The following FYB1 variants were observed in gnomAD, a reference collection of about 807,000 sequenced individuals.
The protein encoded by FYB1 is FYN-binding protein 1.
Under a neutral mutation model 94.1 loss-of-function variants are expected in FYB1, and 41 were observed. That is an observed-to-expected ratio of 0.44 (90% CI 0.34 to 0.57). The LOEUF is 0.57. Ranked by LOEUF, FYB1 falls within the 20% of genes least tolerant of loss-of-function variation. The pLI is 0.02. For missense variants in FYB1, 1,050 were observed against 976.8 expected (o/e 1.07, Z -1.00); for synonymous variants, 367 against 353.2 (o/e 1.04, Z -0.44).
Position 39,107,314 on chromosome 5 carries a change from G to T in FYB1, c.*129C>A. ...CTTTAAACACTTTGTAAAGATAATT[G>T]GGATTTCATAACAAATGATAATAAG... On this transcript the variant is annotated 3_prime_UTR_variant, in exon 19 of 19. Coordinates refer to ENST00000512982, the MANE Select transcript of FYB1 (RefSeq NM_001465.6). 2 of 540,882 alleles carry T rather than the reference G, an allele frequency of 3.7e-6. No homozygotes were observed. Among genetic ancestry groups the T allele is most frequent in the Non-Finnish European group, 6.4e-6 (2 of 314,358 alleles). 33.5% of individuals were successfully genotyped at this position (540,882 alleles called of 1,614,324 possible).
chr5:39,106,455 A>C lies in FYB1; in HGVS notation c.*988T>G, dbSNP rs1760381185. ...TTTGGGAATGAGTATGTACTGTTAG[A>C]GAAGGGCCCAATCCAAACACTAGAA... On this transcript the variant is annotated 3_prime_UTR_variant, in exon 19 of 19. Transcript: ENST00000512982. 6.6e-6 allele frequency: 1 copy of C among 152,104 alleles called. No homozygotes were observed. The highest frequency in any genetic ancestry group is 6.6e-5 in the Admixed American group (1 of 15,254). The allele number at this position is 152,104 out of a possible 1,614,324, so 9.4% of individuals were successfully genotyped here.
At chr5:39,108,982 G>C (rs975674756) in intron 17 of FYB1, among the ~76,000 whole-genome samples, 2 of 152,034 alleles carry the variant, frequency 1.3e-5, no homozygotes, top group African/African-American at 4.8e-5. Context: ...TTGCTTTTAA[G>C]TACCTTATAA....
intron 7 of FYB1, 179 bp downstream of exon 7, chr5:39,137,418 ATAT>A (rs1258048580): frequency 1.9e-6 from 1 of 529,236 alleles, no homozygotes; most frequent in Non-Finnish European, 3.1e-6. Context: ...AAATTTTATT[ATAT>A]TAGTTCAGGG....
intron 2 of FYB1, among the ~76,000 whole-genome samples, chr5:39,187,403 A>G (rs544985542): frequency 6.6e-6 from 1 of 152,294 alleles, no homozygotes; most frequent in Non-Finnish European, 1.5e-5. Context: ...GCATTGGTCT[A>G]ATTTCTTGTA....
At chr5:39,172,953 C>T (rs765746406) in intron 2 of FYB1, among the ~76,000 whole-genome samples, 28 of 152,226 alleles carry the variant, frequency 1.8e-4, no homozygotes, top group Non-Finnish European at 3.1e-4. Flanking sequence ...ATTTTCCTTT[C>T]GGTATATACC....
intron 2 of FYB1, among the ~76,000 whole-genome samples, chr5:39,192,965 C>T (rs1043983935): frequency 6.6e-6 from 1 of 152,216 alleles, no homozygotes; most frequent in African/African-American, 2.4e-5. Flanking sequence ...CTGTTCACCT[C>T]CTCCTCTAAG....
At chr5:39,129,945 G>T (rs1741035040) in intron 10 of FYB1, among the ~76,000 whole-genome samples, 1 of 151,954 alleles carries the variant, frequency 6.6e-6, no homozygotes, top group South Asian at 2.1e-4. Context: ...ATATCAAATG[G>T]ATATTTGCAT....
chr5:39,225,195 T>C (rs1028017599), intron 1 of FYB1, among the ~76,000 whole-genome samples: 1 of 152,118 alleles, frequency 6.6e-6, no homozygotes, highest in Admixed American at 6.5e-5. Flanking sequence ...TGCAAAAATG[T>C]GAATATTTAT....
chr5:39,212,827 T>G (rs1294103177), intron 1 of FYB1: 2 of 152,182 alleles, frequency 1.3e-5, no homozygotes, highest in African/African-American at 4.8e-5. Flanking sequence ...CCAAAGCACT[T>G]CATGGCTTCA....
intron 1 of FYB1, among the ~76,000 whole-genome samples, chr5:39,218,013 G>C (rs1459644936): frequency 6.6e-6 from 1 of 152,214 alleles, no homozygotes; most frequent in Non-Finnish European, 1.5e-5. Context: ...GCAAGGTGCA[G>C]CATTGCACCA....
At chr5:39,160,991 T>G (rs1411441794) in intron 2 of FYB1, among the ~76,000 whole-genome samples, 2 of 152,230 alleles carry the variant, frequency 1.3e-5, no homozygotes, top group Non-Finnish European at 2.9e-5. Context: ...TTAAAAAAAC[T>G]GCCTGCCCTT....
chr5:39,224,921 A>G (rs530036505), intron 1 of FYB1, among the ~76,000 whole-genome samples: 4 of 152,302 alleles, frequency 2.6e-5, no homozygotes, highest in African/African-American at 9.6e-5. Flanking sequence ...CCAAGCTTCT[A>G]AAATTCTAGA....
intron 2 of FYB1, among the ~76,000 whole-genome samples, chr5:39,190,675 G>A (rs1182585204): frequency 2.6e-5 from 4 of 152,166 alleles, no homozygotes; most frequent in Non-Finnish European, 5.9e-5. Context: ...CAAAGAAACA[G>A]CGATTACTGA....
Position 39,137,648 on chromosome 5 carries a change from T to C in FYB1, c.1467A>G (p.Glu489=). 1 of 1,534,970 alleles carries C rather than the reference T, an allele frequency of 6.5e-7. No individual in the cohort carries two copies. The highest frequency in any genetic ancestry group is 2.5e-5 in the East Asian group (1 of 40,800). ...EKKRLELEKK[E]QKEKEKKEQE... is the part of the protein sequence containing the mutation. ...GTTCTTTCTTTTCTTTCTCTTTCTGTTCCTTTTTCTCCAGCTCTAACCTCT... is the reference window on the plus strand; with the variant it reads ...GTTCTTTCTTTTCTTTCTCTTTCTGCTCCTTTTTCTCCAGCTCTAACCTCT... The change falls in exon 7 of 19, where the codon GAA becomes GAG. Residue 489 remains glutamate (E), a synonymous_variant. Coordinates refer to ENST00000512982, the MANE Select transcript of FYB1 (RefSeq NM_001465.6).
intron 3 of FYB1, among the ~76,000 whole-genome samples, chr5:39,148,072 T>C: frequency 6.8e-6 from 1 of 147,056 alleles, no homozygotes; most frequent in African/African-American, 2.5e-5. Flanking sequence ...GGGAAGCCAT[T>C]GCTCCCCGCT....
chr5:39,231,871 CT>C lies in FYB1; in HGVS notation c.-27-28885del, dbSNP rs144418561. Among the ~76,000 whole-genome samples the C allele has an allele frequency of 6.5e-3, 987 of 152,142 alleles. 14 individuals are homozygous for C. The highest frequency in any genetic ancestry group is 0.023 in the African/African-American group (936 of 41,498). On this transcript the variant is annotated intron_variant, in intron 1 of 1. Coordinates refer to the FYB1 transcript ENST00000510188. ...ATTAGACCACAGTGCCAACTTCAGCCTTGTGGATGATGCCTTTGAAGGGGTT... is the reference window on the plus strand; with the variant it reads ...ATTAGACCACAGTGCCAACTTCAGCCTGTGGATGATGCCTTTGAAGGGGTT...
At chr5:39,248,503 A>G (rs1751578048) in intron 1 of FYB1, among the ~76,000 whole-genome samples, 1 of 152,066 alleles carries the variant, frequency 6.6e-6, no homozygotes, top group Non-Finnish European at 1.5e-5. Context: ...ACATGGAGAA[A>G]CCTCGAAGAC....
At chr5:39,150,811 C>G (rs1011777439) in intron 3 of FYB1, among the ~76,000 whole-genome samples, 1 of 152,198 alleles carries the variant, frequency 6.6e-6, no homozygotes, top group African/African-American at 2.4e-5. Flanking sequence ...GCCTGCATTT[C>G]TGTGATATCT....
intron 1 of FYB1, among the ~76,000 whole-genome samples, chr5:39,210,758 C>G (rs1323374205): frequency 2.0e-5 from 3 of 152,172 alleles, no homozygotes; most frequent in Non-Finnish European, 4.4e-5. Flanking sequence ...TTCCTGTGGT[C>G]CTAGCTACTC....
Sources: gnomAD v4.1 joint callset for allele counts (sites outside exome capture counted in the v4.1 genomes callset) on GRCh38, gnomAD v4.1.1 for gene constraint, MANE v1.5 for transcripts, NCBI Gene and HGNC (gene_info 2026-07-23, HGNC 2026-07-21) for gene names.